The following BPIFB2 variants were observed in gnomAD, a reference collection of about 807,000 sequenced individuals.
BPIFB2 encodes BPI fold-containing family B member 2.
Under a neutral mutation model 50.1 loss-of-function variants are expected in BPIFB2, and 39 were observed. The ratio of observed to expected loss-of-function variants is 0.78; its 90% CI spans 0.60 to 1.02. The LOEUF (loss-of-function observed/expected upper bound fraction) is 1.02. Among genes scored for constraint, BPIFB2 ranks in the 50% least tolerant of loss-of-function variants. The pLI is 0.00. For synonymous variants in BPIFB2, 280 were observed against 256.3 expected (o/e 1.09, Z -0.88); for missense variants, 574 against 585.8 (o/e 0.98, Z 0.21).
intron 14 of BPIFB2, 141 bp downstream of exon 14, chr20:33,021,485 G>A: frequency 2.0e-6 from 2 of 1,005,824 alleles, no homozygotes; most frequent in South Asian, 1.5e-5. Context: ...CAGCCCATGT[G>A]TGCATGCCCC....
At position 33,012,793 on chromosome 20, in the gene BPIFB2, T is replaced by C. The variant is rs1337868352; in HGVS notation, c.204-10T>C. 2.5e-6 allele frequency: 4 copies of C among 1,606,560 alleles called. No homozygotes were observed. In the African/African-American group the frequency reaches 4.0e-5, roughly 16 times the overall value. On this transcript the variant is annotated splice_polypyrimidine_tract_variant and intron_variant, in intron 3 of 15. Transcript: ENST00000170150. ...GGGGCCACTCTGTCACCTTGATTAC[T>C]ACCCTGCAGGATCCGGATTCTGAAT...
intron 15 of BPIFB2, 137 bp from the exon 16 acceptor site, chr20:33,023,205 G>A: frequency 1.3e-6 from 1 of 786,526 alleles, no homozygotes; most frequent in East Asian, 2.5e-5. Flanking sequence ...GGTAAACTGA[G>A]GCCCAGAGAG....
chr20:33,013,956 G>A lies in BPIFB2; in HGVS notation c.455G>A (p.Ser152Asn). 1.2e-6 allele frequency: 2 copies of A among 1,613,048 alleles called. No homozygotes were observed. The highest frequency in any genetic ancestry group is 8.5e-7 in the Non-Finnish European group (1 of 1,179,180). ...GHANEFDGSN[S>N]TSHALLVLVQ... ...GCCAACGAGTTTGATGGCAGTAACA[G>A]GTGGGTGCCTGGTGAGGGCAGGGTC... The change falls in exon 5 of 16, where the codon AGC becomes AAC. Residue 152 changes from serine (S) to asparagine (N), a missense_variant and splice_region_variant. By Grantham distance (46) the Ser-to-Asn change is conservative. Transcript: ENST00000170150.
In BPIFB2 at chr20:33,023,327, TC is replaced by T; in HGVS notation, c.1336-13del. On this transcript the variant is annotated splice_polypyrimidine_tract_variant and intron_variant, in intron 15 of 15. Coordinates refer to ENST00000170150, the MANE Select transcript of BPIFB2 (RefSeq NM_025227.3). ...GCCTCCTCTGACCTGGTCCATGGTT[TC>T]CTTTGCCCTTCAGGGCTACGTGGTG... is the stretch of plus-strand genomic sequence containing the variant. 6.2e-7 allele frequency: 1 copy of T among 1,613,452 alleles called. No homozygotes were observed. The highest frequency in any genetic ancestry group is 1.1e-5 in the South Asian group (1 of 91,072).
chr20:33,023,259 G>C, intron 15 of BPIFB2, 83 bp from the exon 16 acceptor site: 1 of 1,387,082 alleles, frequency 7.2e-7, no homozygotes, highest in South Asian at 1.2e-5. Context: ...TGGCAGAGCA[G>C]AACTCAGAGC....
intron 3 of BPIFB2, among the ~76,000 whole-genome samples, chr20:33,012,012 C>T (rs892233051): frequency 6.6e-6 from 1 of 152,012 alleles, no homozygotes; most frequent in East Asian, 1.9e-4. Flanking sequence ...AACAAACAAA[C>T]AAACAAAAAA....
intron 6 of BPIFB2, 59 bp from the exon 7 acceptor site, chr20:33,016,983 G>C: frequency 6.6e-7 from 1 of 1,516,070 alleles, no homozygotes; most frequent in Non-Finnish European, 9.1e-7. Context: ...TCTCAGCCTT[G>C]TGCCCTCCAG....
intron 10 of BPIFB2, among the ~76,000 whole-genome samples, chr20:33,019,357 CCTT>C (rs1326236562): frequency 6.6e-6 from 1 of 152,144 alleles, no homozygotes; most frequent in Non-Finnish European, 1.5e-5. Context: ...TTTCCCTTAT[CCTT>C]CTTCAAGACC....
chr20:33,009,324 T>C lies in BPIFB2; in HGVS notation c.109+641T>C, dbSNP rs1379159361. Among the ~76,000 whole-genome samples, 3 of 152,116 alleles carry C rather than the reference T, an allele frequency of 2.0e-5. No individual in the cohort carries two copies. Among genetic ancestry groups the C allele is most frequent in the Non-Finnish European group, 4.4e-5 (3 of 68,014 alleles). On this transcript the variant is annotated intron_variant, in intron 2 of 15. Transcript: ENST00000170150. The surrounding 1 kb of genome is among the most constrained non-coding windows in gnomAD (Gnocchi z 4.2). Reference sequence around the variant, plus strand: ...CCCCAATCCCCTAAGGAGGGCACAATGAAGAAACTTAGCCCCAGGGAGGGA... The same window carrying C: ...CCCCAATCCCCTAAGGAGGGCACAACGAAGAAACTTAGCCCCAGGGAGGGA...
intron 3 of BPIFB2, 22 bp downstream of exon 3, chr20:33,011,139 A>G: frequency 6.2e-7 from 1 of 1,606,936 alleles, no homozygotes; most frequent in South Asian, 1.1e-5. Context: ...CCTCCTCCAG[A>G]GAAGGTGCTC....
intron 6 of BPIFB2, among the ~76,000 whole-genome samples, chr20:33,016,505 GC>G (rs1453719709): frequency 6.6e-6 from 1 of 152,176 alleles, no homozygotes; most frequent in Non-Finnish European, 1.5e-5. Flanking sequence ...GGCTGCGAGT[GC>G]CCCTGGCCTT....
At chr20:33,018,503 T>G in intron 8 of BPIFB2, 134 bp from the exon 9 acceptor site, 1 of 1,311,758 alleles carries the variant, frequency 7.6e-7, no homozygotes, top group Middle Eastern at 2.4e-4. Context: ...GGCGAAAGTG[T>G]GAACTACACA....
At chr20:33,018,431 C>A in intron 8 of BPIFB2, 81 bp downstream of exon 8, 1 of 1,392,958 alleles carries the variant, frequency 7.2e-7, no homozygotes, top group Non-Finnish European at 1.0e-6. Context: ...CCTAAAGGAG[C>A]GGGGGAGTGG....
intron 5 of BPIFB2, among the ~76,000 whole-genome samples, chr20:33,014,896 C>G (rs903976818): frequency 2.0e-5 from 3 of 152,250 alleles, no homozygotes; most frequent in African/African-American, 7.2e-5. Flanking sequence ...TCCCACCTCC[C>G]CCCCAGGGAG....
intron 5 of BPIFB2, 100 bp downstream of exon 5, chr20:33,014,056 A>G: frequency 2.8e-6 from 4 of 1,430,210 alleles, no homozygotes; most frequent in East Asian, 2.4e-5. Flanking sequence ...AATGGCCACA[A>G]GGGCCTCAGG....
chr20:33,015,925 C>A (rs773961871), intron 6 of BPIFB2, among the ~76,000 whole-genome samples: 1 of 152,190 alleles, frequency 6.6e-6, no homozygotes, highest in Non-Finnish European at 1.5e-5. Context: ...CTGAAAGAGA[C>A]AAAGCCCCTC....
chr20:33,010,175 T>C (rs1403015884), intron 2 of BPIFB2, among the ~76,000 whole-genome samples: 8 of 152,100 alleles, frequency 5.3e-5, no homozygotes, highest in Admixed American at 5.2e-4. Flanking sequence ...AACTCCTGCT[T>C]AATTAGCACC....
rs1411142206 is a variant in BPIFB2 at position 33,021,354 on chromosome 20, G to T, written c.1258+10G>T. 3.1e-6 allele frequency: 5 copies of T among 1,610,790 alleles called. No individual in the cohort carries two copies. Among genetic ancestry groups the T allele is most frequent in the Non-Finnish European group, 4.2e-6 (5 of 1,178,586 alleles). On this transcript the variant is annotated intron_variant, in intron 14 of 15. Transcript: ENST00000170150. ...CTGGACCATCTCAATGGTAAGCCCT[G>T]CCCTCCACCCCAGCAGGGCCCCTCT...
intron 15 of BPIFB2, 80 bp downstream of exon 15, chr20:33,021,879 C>T (rs1978687419): frequency 2.1e-6 from 3 of 1,399,964 alleles, no homozygotes; most frequent in Admixed American, 1.7e-5. Context: ...TCTCTCCCTC[C>T]CCCTCTGTGG....
Sources: allele counts gnomAD v4.1 joint callset (sites outside exome capture counted in the v4.1 genomes callset), GRCh38; gene constraint gnomAD v4.1.1; non-coding constraint Gnocchi (gnomAD v3.1); transcripts MANE v1.5; gene names NCBI Gene and HGNC (gene_info 2026-07-23, HGNC 2026-07-21).